Variants in PLXND1 observed in about 807,000 individuals in gnomAD.
PLXND1 encodes the protein plexin D1.
PLXND1 carries 54 observed loss-of-function variants against 197.7 expected under a neutral mutation model. The ratio of observed to expected loss-of-function variants is 0.27; its 90% CI spans 0.22 to 0.34. The LOEUF is 0.34. Among genes scored for constraint, PLXND1 ranks in the 10% least tolerant of loss-of-function variants. PLXND1 has a pLI of 1.00. For missense variants in PLXND1, 2,127 were observed against 2,699.2 expected (o/e 0.79, Z 4.70); for synonymous variants, 1,180 against 1,161.2 (o/e 1.02, Z -0.33).
At chr3:129,576,065 C>G (rs2085309914) in intron 9 of PLXND1, among the ~76,000 whole-genome samples, 1 of 152,216 alleles carries the variant, frequency 6.6e-6, no homozygotes, top group South Asian at 2.1e-4. Context: ...GCAGGAATGC[C>G]AAGAACTTTG....
Position 129,585,961 on chromosome 3 carries a change from C to T in PLXND1, c.1842G>A (p.Gln614=), listed in dbSNP as rs1288515391. 5.0e-6 allele frequency: 8 copies of T among 1,614,102 alleles called. No individual in the cohort carries two copies. The South Asian group carries it at 8.8e-5, about 18-fold the overall frequency. ...TVLPSEIDVR[Q]EYPGMILQIS... is the part of the protein sequence containing the mutation. ...CTCCCCCAGGACTCACTGGGTACTCCTGGCGCACATCGATCTCGGAAGGCA... is the reference window on the plus strand; with the variant it reads ...CTCCCCCAGGACTCACTGGGTACTCTTGGCGCACATCGATCTCGGAAGGCA... The change falls in exon 5 of 36, where the codon CAG becomes CAA. Residue 614 remains glutamine (Q), a synonymous_variant. Coordinates refer to ENST00000324093, the MANE Select transcript of PLXND1 (RefSeq NM_015103.3).
At chr3:129,604,712 G>A (rs1560086776) in intron 1 of PLXND1, among the ~76,000 whole-genome samples, 1 of 152,160 alleles carries the variant, frequency 6.6e-6, no homozygotes, top group South Asian at 2.1e-4. Context: ...AAATACCTGC[G>A]TCCCCTGCCA....
intron 11 of PLXND1, among the ~76,000 whole-genome samples, 160 bp from the exon 12 acceptor site, chr3:129,574,650 G>A (rs1031587402): frequency 4.6e-5 from 7 of 152,246 alleles, no homozygotes. Context: ...ATCCCCTGAG[G>A]TTCTTAGCCC....
Position 129,558,415 on chromosome 3 carries a change from G to T in PLXND1, c.5445+13C>A, listed in dbSNP as rs758047371. On this transcript the variant is annotated intron_variant, in intron 33 of 35. Transcript: ENST00000324093. The surrounding 1 kb of genome is among the most constrained non-coding windows in gnomAD (Gnocchi z 4.1). ...CTGTGCATGGGCCTGGCCTGGTCCT[G>T]GGAACAGCTGACCTTGCCCAGCTGC... is the stretch of plus-strand genomic sequence containing the variant. 2.5e-6 allele frequency: 4 copies of T among 1,612,044 alleles called. No homozygotes were observed. Among genetic ancestry groups the T allele is most frequent in the Non-Finnish European group, 3.4e-6 (4 of 1,179,444 alleles).
In PLXND1 at chr3:129,589,461, G is replaced by A. The variant is rs766289924; in HGVS notation, c.1378C>T (p.Leu460=). 3 of 1,610,978 alleles carry A rather than the reference G, an allele frequency of 1.9e-6. No individual in the cohort carries two copies. Among genetic ancestry groups the A allele is most frequent in the Non-Finnish European group, 2.5e-6 (3 of 1,179,158 alleles). Residue 460 remains leucine (L), a synonymous_variant, in exon 2 of 36, where the codon CTG becomes TTG. Transcript: ENST00000324093. The part of the protein sequence containing the change: ...LQHPLSILQP[L]KATPVFRAPG... ...GCGCGGAACACGGGCGTGGCCTTCA[G>A]GGGCTGCAGGATGGACAGCGGGTGC...
intron 27 of PLXND1, 124 bp from the exon 28 acceptor site, chr3:129,562,027 C>T: frequency 1.5e-6 from 1 of 683,788 alleles, no homozygotes; most frequent in Non-Finnish European, 2.7e-6. Flanking sequence ...CAAGCCATAC[C>T]TCTCTCTGAG....
intron 1 of PLXND1, among the ~76,000 whole-genome samples, chr3:129,591,089 T>C (rs1218685139): frequency 1.3e-5 from 2 of 152,194 alleles, no homozygotes. Context: ...TAAACACAGT[T>C]ACGGCCGGAT....
Position 129,606,289 on chromosome 3 carries a change from C to G in PLXND1, c.351G>C (p.Pro117=). The change falls in exon 1 of 36, where the codon CCG becomes CCC. Residue 117 remains proline (P), a synonymous_variant. Transcript: ENST00000324093. ...PQLPQASCEH[P]RRLTDNYNKI... is the part of the protein sequence containing the mutation. ...TGTTGTAGTTGTCCGTGAGGCGCCG[C>G]GGGTGCTCGCACGAGGCCTGCGGCA... is the stretch of plus-strand genomic sequence containing the variant. The G allele has an allele frequency of 2.0e-6, 3 of 1,530,660 alleles. No individual in the cohort carries two copies. Among genetic ancestry groups the G allele is most frequent in the Non-Finnish European group, 2.6e-6 (3 of 1,144,540 alleles). 94.8% of individuals were successfully genotyped at this position (1,530,660 alleles called of 1,614,324 possible).
At position 129,558,353 on chromosome 3, in the gene PLXND1, CGAG is replaced by C; in HGVS notation, c.5445+72_5445+74del. Reference sequence around the variant, plus strand: ...ATCTCTGAGCTCAGCCTCAGAGAGTCGAGGAGGCTACCCATGGTCGGCACCCCA... The same window carrying C: ...ATCTCTGAGCTCAGCCTCAGAGAGTCGAGGCTACCCATGGTCGGCACCCCA... On this transcript the variant is annotated intron_variant, in intron 33 of 35. Coordinates refer to ENST00000324093, the MANE Select transcript of PLXND1 (RefSeq NM_015103.3). The surrounding 1 kb of genome is among the most constrained non-coding windows in gnomAD (Gnocchi z 4.1). 4.3e-6 allele frequency: 6 copies of C among 1,410,916 alleles called. No individual in the cohort carries two copies. The highest frequency in any genetic ancestry group is 5.9e-6 in the Non-Finnish European group (6 of 1,020,940). The allele number at this position is 1,410,916 out of a possible 1,614,324, so 87.4% of individuals were successfully genotyped here.
intron 29 of PLXND1, 151 bp from the exon 30 acceptor site, chr3:129,560,874 A>C: frequency 1.4e-6 from 1 of 694,300 alleles, no homozygotes; most frequent in Non-Finnish European, 2.7e-6. Flanking sequence ...GAGAAACAGA[A>C]ACGGAGACAG....
At chr3:129,565,597 G>A in intron 24 of PLXND1, 59 bp from the exon 25 acceptor site, 1 of 1,441,078 alleles carries the variant, frequency 6.9e-7, no homozygotes, top group Non-Finnish European at 9.6e-7. Flanking sequence ...GTGGGTCCCA[G>A]GGTCTCAGTG....
intron 26 of PLXND1, 43 bp downstream of exon 26, chr3:129,563,051 G>A: frequency 6.2e-7 from 1 of 1,611,894 alleles, no homozygotes. Flanking sequence ...GCCGTTGGCG[G>A]CGACACAGCA....
rs1281489969 is a variant in PLXND1 at position 129,605,383 on chromosome 3, G to A, written c.1257C>T (p.Leu419=). 4.0e-6 allele frequency: 6 copies of A among 1,502,392 alleles called. No homozygotes were observed. Among genetic ancestry groups the A allele is most frequent in the Non-Finnish European group, 2.6e-6 (3 of 1,133,850 alleles). The allele number at this position is 1,502,392 out of a possible 1,614,324, so 93.1% of individuals were successfully genotyped here. A position where few individuals can be genotyped will look rare whatever the true frequency, so the allele number is the denominator to read the frequency against. ...GTCCCGTGCCCTGCACCACGCTGTCGAGCACCGCCACCACGTCGGGCGCCG... is the reference window on the plus strand; with the variant it reads ...GTCCCGTGCCCTGCACCACGCTGTCAAGCACCGCCACCACGTCGGGCGCCG... ...VEPAPDVVAV[L]DSVVQGTGPA... The change falls in exon 1 of 36, where the codon CTC becomes CTT. Residue 419 remains leucine, a synonymous_variant. Coordinates refer to ENST00000324093, the MANE Select transcript of PLXND1 (RefSeq NM_015103.3).
intron 1 of PLXND1, 66 bp downstream of exon 1, chr3:129,605,263 C>T: frequency 2.4e-6 from 1 of 423,530 alleles, no homozygotes; most frequent in Non-Finnish European, 3.8e-6. Flanking sequence ...CGCTCGGTTC[C>T]CGCCCGCCCC....
At chr3:129,566,866 C>T (rs1278988452) in intron 22 of PLXND1, among the ~76,000 whole-genome samples, 1 of 152,208 alleles carries the variant, frequency 6.6e-6, no homozygotes, top group East Asian at 1.9e-4. Context: ...GCTCCATGTG[C>T]AATGGGGGAA....
intron 26 of PLXND1, 45 bp downstream of exon 26, chr3:129,563,049 C>A (rs745527529): frequency 2.5e-6 from 4 of 1,611,402 alleles, no homozygotes; most frequent in African/African-American, 2.7e-5. Flanking sequence ...ATGCCGTTGG[C>A]GGCGACACAG....
At position 129,561,871 on chromosome 3, in the gene PLXND1, GGATGTAGCTCT is replaced by G. The variant is rs772499842; in HGVS notation, c.4847_4857del (p.Gln1616ProfsTer18). 6.2e-7 allele frequency: 1 copy of G among 1,613,992 alleles called. No individual in the cohort carries two copies. Among genetic ancestry groups the G allele is most frequent in the Non-Finnish European group, 8.5e-7 (1 of 1,179,918 alleles). On this transcript the variant is annotated frameshift_variant, in exon 28 of 36. Coordinates refer to ENST00000324093, the MANE Select transcript of PLXND1 (RefSeq NM_015103.3). LOFTEE classifies it high-confidence loss of function. ...ACTGAGGTGTCGTCCAGGTCCCGAAGGATGTAGCTCTGTGTGCTGGAGGCGAACCACTCTGG... is the reference window on the plus strand; with the variant it reads ...ACTGAGGTGTCGTCCAGGTCCCGAAGGTGTGCTGGAGGCGAACCACTCTGG...
At chr3:129,587,467 A>C (rs2108793049) in intron 2 of PLXND1, among the ~76,000 whole-genome samples, 1 of 152,226 alleles carries the variant, frequency 6.6e-6, no homozygotes, top group South Asian at 2.1e-4. Flanking sequence ...GGATGACAAT[A>C]CCGGTCAGAG....
Position 129,605,419 on chromosome 3 carries a change from G to A in PLXND1, c.1221C>T (p.Cys407=). 6.7e-7 allele frequency: 1 copy of A among 1,501,358 alleles called. No homozygotes were observed. Among genetic ancestry groups the A allele is most frequent in the Non-Finnish European group, 8.8e-7 (1 of 1,132,894 alleles). 93.0% of individuals were successfully genotyped at this position (1,501,358 alleles called of 1,614,324 possible). Residue 407 remains cysteine (C), a synonymous_variant, in exon 1 of 36, where the codon TGC becomes TGT. Coordinates refer to ENST00000324093, the MANE Select transcript of PLXND1 (RefSeq NM_015103.3). ...CCACGTCGGGCGCCGGTTCCACGAA[G>A]CAGGCGGTGCGCGCAGCTCGGATGG... ...RAAIRAARTA[C]FVEPAPDVVA...
Sources: gnomAD v4.1 joint callset for allele counts (sites outside exome capture counted in the v4.1 genomes callset) on GRCh38, gnomAD v4.1.1 for gene constraint, Gnocchi (gnomAD v3.1) non-coding constraint, MANE v1.5 for transcripts, NCBI Gene and HGNC (gene_info 2026-07-23, HGNC 2026-07-21) for gene names.